CR1L: variants seen among roughly 807,000 people sequenced by gnomAD.
CR1L encodes complement component receptor 1-like protein.
In CR1L, 59 loss-of-function variants were observed where a neutral mutation model predicts 62.3. The observed-to-expected ratio is 0.95, with a 90% confidence interval of 0.77 to 1.18. CR1L has a LOEUF of 1.18. Ranked by LOEUF, CR1L falls within the 50% of genes most tolerant of loss-of-function variation. The pLI, the probability that CR1L is intolerant of heterozygous loss-of-function variation, is 0.00. For missense variants in CR1L, 700 were observed against 702.8 expected (o/e 1.00, Z 0.04); for synonymous variants, 279 against 248.7 (o/e 1.12, Z -1.15).
intron 9 of CR1L, among the ~76,000 whole-genome samples, chr1:207,706,013 GTATATA>G (rs139294447): frequency 0.28 from 37,830 of 133,536 alleles, 5,360 homozygotes; most frequent in East Asian, 0.4. Flanking sequence ...GTGTGTGTAT[GTATATA>G]TATATATATA....
intron 11 of CR1L, among the ~76,000 whole-genome samples, chr1:207,721,208 ATACTT>A (rs948387381): frequency 4.6e-5 from 7 of 151,532 alleles, no homozygotes; most frequent in African/African-American, 1.5e-4. Context: ...TTTTTTTATT[ATACTT>A]TAAGTTTTAG....
intron 1 of CR1L, among the ~76,000 whole-genome samples, chr1:207,669,828 T>C (rs904033959): frequency 2.0e-5 from 3 of 151,252 alleles, no homozygotes; most frequent in Non-Finnish European, 4.4e-5. Context: ...AAGGCGCAGA[T>C]GCTGAGCGGG....
intron 1 of CR1L, among the ~76,000 whole-genome samples, chr1:207,647,438 A>G (rs1440528219): frequency 6.6e-6 from 1 of 152,092 alleles, no homozygotes; most frequent in African/African-American, 2.4e-5. Flanking sequence ...AACACATACA[A>G]CCCAGTTCAA....
At chr1:207,702,013 C>T (rs544942077) in intron 9 of CR1L, among the ~76,000 whole-genome samples, 1 of 152,300 alleles carries the variant, frequency 6.6e-6, no homozygotes, top group African/African-American at 2.4e-5. Flanking sequence ...TCAAAAAGTA[C>T]AGGCCTTCCT....
At chr1:207,674,709 T>C (rs998908752) in intron 1 of CR1L, among the ~76,000 whole-genome samples, 1 of 152,252 alleles carries the variant, frequency 6.6e-6, no homozygotes, top group Non-Finnish European at 1.5e-5. Context: ...CCTCTCTTAA[T>C]ACAGCTTTTG....
intron 4 of CR1L, among the ~76,000 whole-genome samples, chr1:207,693,717 G>T (rs1558020508): frequency 6.6e-6 from 1 of 151,790 alleles, no homozygotes; most frequent in Admixed American, 6.6e-5. Context: ...ATTACATTTG[G>T]AAGCATCTGT....
At chr1:207,678,117 A>G (rs1663729414) in intron 2 of CR1L, 81 bp from the exon 3 acceptor site, 1 of 1,212,182 alleles carries the variant, frequency 8.2e-7, no homozygotes, top group African/African-American at 1.5e-5. Flanking sequence ...TCAGTAAGCT[A>G]TAGGCAGGTT....
Position 207,657,441 on chromosome 1 carries a change from T to A in CR1L, c.97+12111T>A, listed in dbSNP as rs1249332596. ...CTCCTCCTGTGTAATTGGATCTAAT[T>A]TATTTTAATACAGGTCAATTCAAGC... is the stretch of plus-strand genomic sequence containing the variant. On this transcript the variant is annotated intron_variant, in intron 1 of 11. Coordinates refer to ENST00000508064, the MANE Select transcript of CR1L (RefSeq NM_175710.2). The A allele has an allele frequency of 5.3e-6, 3 of 568,650 alleles. No individual in the cohort carries two copies. The African/African-American group carries it at 5.6e-5, about 11-fold the overall frequency. The allele number at this position is 568,650 out of a possible 1,614,324, so 35.2% of individuals were successfully genotyped here.
chr1:207,694,843 T>C, intron 5 of CR1L, 92 bp downstream of exon 5: 1 of 1,595,702 alleles, frequency 6.3e-7, no homozygotes, highest in Non-Finnish European at 8.5e-7. Context: ...GAGGGATTTG[T>C]GCTGAGCAGG....
chr1:207,721,210 A>G (rs1190870867), intron 11 of CR1L, among the ~76,000 whole-genome samples: 2 of 151,752 alleles, frequency 1.3e-5, no homozygotes. Context: ...TTTTTATTAT[A>G]CTTTAAGTTT....
chr1:207,652,747 A>T, intron 1 of CR1L: 21 of 736,540 alleles, frequency 2.9e-5, no homozygotes, highest in Middle Eastern at 2.4e-4. Context: ...TAAATAAACT[A>T]GCCTTTTTTT....
intron 3 of CR1L, among the ~76,000 whole-genome samples, chr1:207,679,057 C>T (rs1315686001): frequency 6.9e-6 from 1 of 144,800 alleles, no homozygotes; most frequent in East Asian, 2.0e-4. Context: ...AGTGCAGTGG[C>T]GAGATCTCGG....
chr1:207,659,673 T>C (rs184109529), intron 1 of CR1L, among the ~76,000 whole-genome samples: 15 of 152,222 alleles, frequency 9.9e-5, no homozygotes, highest in African/African-American at 3.6e-4. Context: ...ATGCAGCCCA[T>C]GGAGGGCAAG....
At chr1:207,695,157 G>A (rs1664056579) in intron 5 of CR1L, among the ~76,000 whole-genome samples, 1 of 152,094 alleles carries the variant, frequency 6.6e-6, no homozygotes, top group South Asian at 2.1e-4. Context: ...ACAGGGTCTT[G>A]ATCTGTCACT....
At chr1:207,651,633 A>G (rs1455534235) in intron 1 of CR1L, among the ~76,000 whole-genome samples, 2 of 152,068 alleles carry the variant, frequency 1.3e-5, no homozygotes, top group South Asian at 2.1e-4. Context: ...GAGGAAGATG[A>G]GTTGCCGCAG....
chr1:207,685,198 A>G (rs972073280), intron 4 of CR1L, among the ~76,000 whole-genome samples: 3 of 152,202 alleles, frequency 2.0e-5, no homozygotes, highest in Non-Finnish European at 4.4e-5. Flanking sequence ...TAAACTCTCT[A>G]TATCCAAATC....
In CR1L at chr1:207,685,285, G is replaced by C. The variant is rs145650677; in HGVS notation, c.463+1328G>C. Among the ~76,000 whole-genome samples, 83 of 152,306 alleles carry C rather than the reference G, an allele frequency of 5.4e-4. 1 individual carries two copies. The highest frequency in any genetic ancestry group is 9.1e-4 in the Admixed American group (14 of 15,302). ...TACATGCTTTTGACTGCGTAGCATG[G>C]TGCTTCCTCAAGAGAATCCAGTCTC... On this transcript the variant is annotated intron_variant, in intron 4 of 11. Coordinates refer to ENST00000508064, the MANE Select transcript of CR1L (RefSeq NM_175710.2).
chr1:207,659,509 T>A (rs925074768), intron 1 of CR1L, among the ~76,000 whole-genome samples: 1 of 152,182 alleles, frequency 6.6e-6, no homozygotes, highest in Non-Finnish European at 1.5e-5. Context: ...AGCAATAAAT[T>A]GTCTTAAGAT....
At chr1:207,696,427 A>G (rs1326518069) in intron 5 of CR1L, among the ~76,000 whole-genome samples, 3 of 152,180 alleles carry the variant, frequency 2.0e-5, no homozygotes, top group Non-Finnish European at 4.4e-5. Context: ...AAGACAAATG[A>G]TTATAGTTTT....
Sources: gnomAD v4.1 joint callset for allele counts (sites outside exome capture counted in the v4.1 genomes callset) on GRCh38, gnomAD v4.1.1 for gene constraint, MANE v1.5 for transcripts, NCBI Gene and HGNC (gene_info 2026-07-23, HGNC 2026-07-21) for gene names.